SUMF1: variants seen among roughly 807,000 people sequenced by gnomAD.
SUMF1 encodes formylglycine-generating enzyme.
SUMF1 carries 48 observed loss-of-function variants against 47.6 expected under a neutral mutation model. The observed-to-expected ratio is 1.01, with a 90% confidence interval of 0.80 to 1.28. The LOEUF (loss-of-function observed/expected upper bound fraction) is 1.28, where lower values mean the gene tolerates loss of function less well. Ranked by LOEUF, SUMF1 falls within the 50% of genes most tolerant of loss-of-function variation. The pLI is 0.00. For missense variants in SUMF1, 571 were observed against 485.4 expected, an observed-to-expected ratio of 1.18 and a Z score of -1.66; for synonymous variants, 230 against 192.1, an observed-to-expected ratio of 1.20 and a Z score of -1.63.
intron 8 of SUMF1, among the ~76,000 whole-genome samples, chr3:4,156,860 G>C (rs1694463393): frequency 6.6e-6 from 1 of 151,546 alleles, no homozygotes; most frequent in Admixed American, 6.6e-5. Context: ...TTTTTTTCTA[G>C]TTCCCAGTTG....
chr3:4,433,124 C>T (rs933559912), intron 3 of SUMF1, among the ~76,000 whole-genome samples: 4 of 152,184 alleles, frequency 2.6e-5, no homozygotes, highest in Non-Finnish European at 5.9e-5. Flanking sequence ...CAGCATGACT[C>T]TCTACTCAAC....
At chr3:4,056,624 A>G (rs895445346) in intron 9 of SUMF1, among the ~76,000 whole-genome samples, 5 of 152,034 alleles carry the variant, frequency 3.3e-5, no homozygotes, top group African/African-American at 1.2e-4. Flanking sequence ...ATACCACTGC[A>G]CTCCAGTGTG....
chr3:4,189,461 G>A (rs542634309), intron 8 of SUMF1, among the ~76,000 whole-genome samples: 54 of 152,184 alleles, frequency 3.5e-4, no homozygotes, highest in African/African-American at 1.3e-3. Flanking sequence ...TTTGGGGTCA[G>A]CAATAATTTT....
In SUMF1 at chr3:4,417,131, C is replaced by A. The variant is rs150925824; in HGVS notation, c.837G>T (p.Ala279=). The A allele has an allele frequency of 6.2e-7, 1 of 1,613,836 alleles. No homozygotes were observed. The highest frequency in any genetic ancestry group is 8.5e-7 in the Non-Finnish European group (1 of 1,179,792). ...NTGEDGFQGT[A]PVDAFPPNGY... is the part of the protein sequence containing the mutation. ...CTGCAGAGGTCTCATTACTCACAGG[C>A]GCAGTTCCTTGGAAGCCATCCTCAC... Residue 279 remains alanine (A), a synonymous_variant, in exon 6 of 9, where the codon GCG becomes GCT. Transcript: ENST00000272902.
intron 8 of SUMF1, among the ~76,000 whole-genome samples, chr3:4,290,911 G>C (rs572164028): frequency 1.4e-4 from 22 of 152,172 alleles, no homozygotes; most frequent in African/African-American, 5.1e-4. Flanking sequence ...TTTACAAAAT[G>C]GAAGTCAGGA....
At chr3:4,216,056 G>C (rs1326314841) in intron 8 of SUMF1, among the ~76,000 whole-genome samples, 1 of 152,008 alleles carries the variant, frequency 6.6e-6, no homozygotes, top group African/African-American at 2.4e-5. Context: ...ACTTCATATG[G>C]AACCAAAAAA....
intron 9 of SUMF1, among the ~76,000 whole-genome samples, chr3:4,042,393 A>G (rs1194936646): frequency 6.6e-6 from 1 of 152,176 alleles, no homozygotes; most frequent in Non-Finnish European, 1.5e-5. Context: ...GTCCATGAAG[A>G]GAGGATTCTC....
intron 7 of SUMF1, among the ~76,000 whole-genome samples, chr3:4,376,710 C>A (rs75132051): frequency 0.032 from 4,853 of 152,304 alleles, 115 homozygotes; most frequent in Non-Finnish European, 0.048. Context: ...GCACCTCTTA[C>A]CATGTCATGA....
At chr3:4,415,318 C>T (rs1701677019) in intron 6 of SUMF1, among the ~76,000 whole-genome samples, 1 of 151,642 alleles carries the variant, frequency 6.6e-6, no homozygotes, top group South Asian at 2.1e-4. Context: ...TCACCTGTGT[C>T]TTTGGAATGG....
chr3:4,168,719 C>G (rs1348929171), intron 8 of SUMF1, among the ~76,000 whole-genome samples: 2 of 152,140 alleles, frequency 1.3e-5, no homozygotes, highest in African/African-American at 4.8e-5. Context: ...CATACTTTAT[C>G]TCTCTAAGAT....
chr3:4,190,587 C>T (rs772678595), intron 8 of SUMF1, among the ~76,000 whole-genome samples: 7 of 152,044 alleles, frequency 4.6e-5, no homozygotes, highest in Non-Finnish European at 1.0e-4. Flanking sequence ...ATTTGTAGAA[C>T]TCTGCATCCA....
chr3:4,169,112 A>G (rs988718161), intron 8 of SUMF1, among the ~76,000 whole-genome samples: 7 of 152,186 alleles, frequency 4.6e-5, no homozygotes, highest in Admixed American at 4.6e-4. Context: ...CAGCTTTCCC[A>G]GAGGTAAATA....
chr3:4,376,453 G>C (rs375919337), intron 7 of SUMF1, 64 bp from the exon 8 acceptor site: 8 of 1,533,002 alleles, frequency 5.2e-6, no homozygotes, highest in Non-Finnish European at 6.3e-6. Context: ...CACAGTGGGA[G>C]AGAATCCACT....
chr3:4,197,261 C>A (rs73120010), intron 8 of SUMF1, among the ~76,000 whole-genome samples: 1 of 151,980 alleles, frequency 6.6e-6, no homozygotes, highest in Admixed American at 6.6e-5. Context: ...ACTACAAATG[C>A]ACGCCACCAT....
chr3:4,091,505 A>C (rs536515523), intron 8 of SUMF1, among the ~76,000 whole-genome samples: 3 of 152,266 alleles, frequency 2.0e-5, no homozygotes, highest in Non-Finnish European at 4.4e-5. Flanking sequence ...TTCCTTCAGA[A>C]GACTTCTTTT....
In SUMF1 at chr3:4,466,848, G is replaced by A. The variant is rs905406524; in HGVS notation, c.270+128C>T. The stretch of plus-strand genomic sequence containing the variant: ...AGAAGGAACTCCTCATACGGGAACA[G>A]CAGGTGCTCGATTTGGGGTGTGGTT... On this transcript the variant is annotated intron_variant, in intron 1 of 8. Transcript: ENST00000272902. The A allele has an allele frequency of 2.3e-5, 31 of 1,375,550 alleles. No individual in the cohort carries two copies. The East Asian group carries it at 6.4e-4, about 28-fold the overall frequency. The allele number at this position is 1,375,550 out of a possible 1,614,324, so 85.2% of individuals were successfully genotyped here. A position where few individuals can be genotyped will look rare whatever the true frequency, so the allele number is the denominator to read the frequency against.
Position 4,453,057 on chromosome 3 carries a change from G to A in SUMF1, c.271-8C>T. On this transcript the variant is annotated splice_region_variant and splice_polypyrimidine_tract_variant and intron_variant, in intron 1 of 8. Coordinates refer to ENST00000272902, the MANE Select transcript of SUMF1 (RefSeq NM_182760.4). ...AGCAGGGATGGGGACCATCTACAAT[G>A]AAAGGTGAAACACAGGAAGTCATGC... 3 of 1,610,284 alleles carry A rather than the reference G, an allele frequency of 1.9e-6. No homozygotes were observed. The South Asian group carries it at 3.3e-5, about 18-fold the overall frequency.
At chr3:4,190,481 GTA>G (rs1695291470) in intron 8 of SUMF1, among the ~76,000 whole-genome samples, 1 of 143,364 alleles carries the variant, frequency 7.0e-6, no homozygotes, top group South Asian at 2.1e-4. Context: ...CCAATAAGAA[GTA>G]TCTTTGGCAA....
chr3:4,074,043 T>A (rs1692355107), intron 8 of SUMF1, among the ~76,000 whole-genome samples: 1 of 152,184 alleles, frequency 6.6e-6, no homozygotes, highest in Non-Finnish European at 1.5e-5. Flanking sequence ...TACATTCTTC[T>A]CAGCACCACA....
Sources: allele counts gnomAD v4.1 joint callset (sites outside exome capture counted in the v4.1 genomes callset), GRCh38; gene constraint gnomAD v4.1.1; transcripts MANE v1.5; gene names NCBI Gene and HGNC (gene_info 2026-07-23, HGNC 2026-07-21).